The following SAMMSON variants were observed in gnomAD, a reference collection of about 807,000 sequenced individuals.
SAMMSON encodes survival associated mitochondrial melanoma specific oncogenic non-coding RNA.
chr3:70,291,784 A>G (rs180693256), intron 7 of SAMMSON: 36 of 152,328 alleles, frequency 2.4e-4, no homozygotes, highest in African/African-American at 8.4e-4. Flanking sequence ...ATAGATGCTC[A>G]CTAAATTTTG....
At chr3:70,053,945 A>G (rs1015785973) in intron 3 of SAMMSON, among the ~76,000 whole-genome samples, 8 of 152,058 alleles carry the variant, frequency 5.3e-5, no homozygotes, top group Admixed American at 2.6e-4. Context: ...TTTCACACTC[A>G]TTGCCTTTTT....
intron 7 of SAMMSON, among the ~76,000 whole-genome samples, chr3:70,319,943 G>A (rs185741655): frequency 6.6e-6 from 1 of 152,146 alleles, no homozygotes; most frequent in Admixed American, 6.6e-5. Context: ...GACTGTTGTC[G>A]AGTTTCCTAG....
chr3:70,204,900 A>G (rs1374558954), intron 4 of SAMMSON: 1 of 152,110 alleles, frequency 6.6e-6, no homozygotes, highest in South Asian at 2.1e-4. Context: ...TATTCACATG[A>G]TGAGTAGCAT....
intron 7 of SAMMSON, among the ~76,000 whole-genome samples, chr3:70,309,490 A>G (rs1702436663): frequency 2.6e-5 from 4 of 152,192 alleles, no homozygotes; most frequent in Admixed American, 1.3e-4. Flanking sequence ...CTCATAAAGC[A>G]AGCATTCTAG....
intron 4 of SAMMSON, among the ~76,000 whole-genome samples, chr3:70,098,287 C>G (rs1173215357): frequency 2.6e-5 from 4 of 152,196 alleles, no homozygotes; most frequent in African/African-American, 9.6e-5. Flanking sequence ...TGAAAGCGGT[C>G]TCACACATCT....
chr3:70,258,641 T>C (rs987118845), intron 6 of SAMMSON, among the ~76,000 whole-genome samples: 5 of 152,132 alleles, frequency 3.3e-5, no homozygotes, highest in African/African-American at 9.7e-5. Context: ...GCTCTCACAC[T>C]ACTGGAAATT....
chr3:70,298,258 G>A (rs1173679130), intron 7 of SAMMSON, among the ~76,000 whole-genome samples: 1 of 152,046 alleles, frequency 6.6e-6, no homozygotes, highest in Non-Finnish European at 1.5e-5. Flanking sequence ...TGCCACTGGA[G>A]TTATTTTTTC....
intron 3 of SAMMSON, among the ~76,000 whole-genome samples, chr3:70,061,680 G>T (rs1026667022): frequency 6.6e-6 from 1 of 151,994 alleles, no homozygotes; most frequent in Non-Finnish European, 1.5e-5. Context: ...CGTTTGCAAC[G>T]CCTGGGTTAG....
chr3:70,195,274 A>C (rs1055943693), intron 4 of SAMMSON, among the ~76,000 whole-genome samples: 2 of 152,006 alleles, frequency 1.3e-5, no homozygotes, highest in African/African-American at 4.8e-5. Flanking sequence ...TGTTTCTTCG[A>C]GCTTCTGAAA....
intron 4 of SAMMSON, among the ~76,000 whole-genome samples, chr3:70,218,000 C>T (rs758171395): frequency 2.0e-5 from 3 of 152,110 alleles, no homozygotes; most frequent in Non-Finnish European, 4.4e-5. Flanking sequence ...CAAGAAATCA[C>T]AGGAGCGAGG....
At chr3:70,051,451 GCAAAAACCA>G (rs1392624997) in intron 3 of SAMMSON, among the ~76,000 whole-genome samples, 2 of 143,988 alleles carry the variant, frequency 1.4e-5, no homozygotes, top group African/African-American at 5.1e-5. Context: ...CATTCTAATG[GCAAAAACCA>G]CAATTACTTT....
chr3:70,213,028 T>G (rs1403390661), intron 4 of SAMMSON, among the ~76,000 whole-genome samples: 1 of 152,120 alleles, frequency 6.6e-6, no homozygotes, highest in African/African-American at 2.4e-5. Flanking sequence ...GGGCTGGTCT[T>G]GAATTCCTGG....
At chr3:70,311,359 G>T (rs1239242630) in intron 7 of SAMMSON, among the ~76,000 whole-genome samples, 1 of 152,142 alleles carries the variant, frequency 6.6e-6, no homozygotes, top group East Asian at 1.9e-4. Context: ...TACTCATTAG[G>T]AGAACATATT....
At chr3:70,125,817 C>A in intron 4 of SAMMSON, 1 of 662,006 alleles carries the variant, frequency 1.5e-6, no homozygotes, top group Non-Finnish European at 2.7e-6. Context: ...GTCTTTGGGG[C>A]TGAAGATTTG....
chr3:70,116,515 G>A (rs1191144959), intron 4 of SAMMSON, among the ~76,000 whole-genome samples: 1 of 151,022 alleles, frequency 6.6e-6, no homozygotes, highest in Non-Finnish European at 1.5e-5. Context: ...GCCAGTGACA[G>A]TTTTTTTTTA....
chr3:70,196,702 G>T lies in SAMMSON; in HGVS notation n.508-52405G>T, dbSNP rs985714079. On this transcript the variant is annotated intron_variant and non_coding_transcript_variant, in intron 4 of 9. Transcript: ENST00000642114. ...TATTTAAGATTTGTTCATCACATGT[G>T]ATCAAGAATCTTATTTTTCAGTGAG... is the stretch of plus-strand genomic sequence containing the variant. Among the ~76,000 whole-genome samples the T allele has an allele frequency of 5.4e-4, 82 of 152,288 alleles. 1 individual carries two copies. Among genetic ancestry groups the T allele is most frequent in the Non-Finnish European group, 2.1e-4 (14 of 68,012 alleles).
intron 3 of SAMMSON, among the ~76,000 whole-genome samples, chr3:70,057,657 A>AGT (rs35757148): frequency 0.013 from 1,875 of 148,956 alleles, 16 homozygotes; most frequent in African/African-American, 0.021. Context: ...TATATGGATG[A>AGT]GTGTGTGTGT....
intron 4 of SAMMSON, among the ~76,000 whole-genome samples, chr3:70,073,476 G>A (rs1213469291): frequency 3.9e-5 from 6 of 151,964 alleles, no homozygotes; most frequent in African/African-American, 9.7e-5. Flanking sequence ...ACAATCTATC[G>A]CAGAGCTAGA....
intron 2 of SAMMSON, among the ~76,000 whole-genome samples, chr3:70,403,924 T>C (rs2106764451): frequency 6.6e-6 from 1 of 152,322 alleles, no homozygotes. Context: ...TATCAAATTT[T>C]ACTTTAAGGA....
Sources: allele counts gnomAD v4.1 joint callset (sites outside exome capture counted in the v4.1 genomes callset), GRCh38; gene constraint gnomAD v4.1.1; transcripts MANE v1.5; gene names NCBI Gene and HGNC (gene_info 2026-07-23, HGNC 2026-07-21).